The following MOG variants were observed in gnomAD, a reference collection of about 807,000 sequenced individuals.
MOG encodes the protein myelin oligodendrocyte glycoprotein.
MOG carries 20 observed loss-of-function variants against 35.9 expected under a neutral mutation model. The ratio of observed to expected loss-of-function variants is 0.56; its 90% CI spans 0.39 to 0.81. MOG has a LOEUF of 0.81. Among genes scored for constraint, MOG ranks in the 30% least tolerant of loss-of-function variants. The pLI is 0.00. For missense variants in MOG, 251 were observed against 301.0 expected (o/e 0.83, Z 1.23); for synonymous variants, 92 against 114.3 (o/e 0.80, Z 1.25).
chr6:29,670,540 C>T lies in MOG; in HGVS notation c.709+143C>T. ...TATTCCTCTGTCCCCATGCCCAACC[C>T]CAGGCTCTTCTGAGAAACTGTGAAG... On this transcript the variant is annotated intron_variant, in intron 6 of 7. Coordinates refer to ENST00000376917, the MANE Select transcript of MOG (RefSeq NM_206809.4). The surrounding 1 kb of genome is among the most constrained non-coding windows in gnomAD (Gnocchi z 4.2). 6.6e-7 allele frequency: 1 copy of T among 1,524,510 alleles called. No individual in the cohort carries two copies. Among genetic ancestry groups the T allele is most frequent in the Non-Finnish European group, 9.0e-7 (1 of 1,108,352 alleles). 94.4% of individuals were successfully genotyped at this position (1,524,510 alleles called of 1,614,324 possible).
Position 29,672,332 on chromosome 6 carries a change from A to ATAAC in MOG, c.*1150_*1151insCTAA. ...AATAAATAAATAAATAAATAAATAA[A>ATAAC]TAAAAAATAATAATACAAGTTTTCA... On this transcript the variant is annotated 3_prime_UTR_variant, in exon 8 of 8. Transcript: ENST00000376917. 1 of 310,792 alleles carries ATAAC rather than the reference A, an allele frequency of 3.2e-6. No individual in the cohort carries two copies. The highest frequency in any genetic ancestry group is 5.4e-5 in the Admixed American group (1 of 18,582). The allele number at this position is 310,792 out of a possible 1,614,324, so 19.3% of individuals were successfully genotyped here.
chr6:29,667,562 G>A, intron 3 of MOG, 81 bp from the exon 4 acceptor site: 1 of 1,430,756 alleles, frequency 7.0e-7, no homozygotes, highest in Non-Finnish European at 9.9e-7. Flanking sequence ...CTGCACAAGG[G>A]GCCCAGGCGC....
rs370773046 is a variant in MOG at position 29,671,414 on chromosome 6, C to T, written c.*229C>T. ...TTTTATTACCCTTCTTTCCATTTCT[C>T]TCTCCAGTCTTCCACCTGGAAGCCC... On this transcript the variant is annotated 3_prime_UTR_variant, in exon 8 of 8. Transcript: ENST00000376917. 6.8e-6 allele frequency: 11 copies of T among 1,612,410 alleles called. No homozygotes were observed. Among genetic ancestry groups the T allele is most frequent in the African/African-American group, 1.3e-5 (1 of 74,900 alleles).
intron 2 of MOG, among the ~76,000 whole-genome samples, chr6:29,664,426 C>T (rs991742931): frequency 4.6e-5 from 7 of 151,960 alleles, no homozygotes; most frequent in Admixed American, 2.6e-4. Context: ...AAGCCGGTCT[C>T]GAACTCCTGA....
intron 3 of MOG, among the ~76,000 whole-genome samples, 191 bp downstream of exon 3, chr6:29,666,456 A>G (rs1770243891): frequency 6.6e-6 from 1 of 152,208 alleles, no homozygotes; most frequent in Non-Finnish European, 1.5e-5. Context: ...TCATATGAAT[A>G]ATCGGACCTA....
chr6:29,669,108 A>G (rs1770849942), intron 5 of MOG, among the ~76,000 whole-genome samples: 1 of 152,000 alleles, frequency 6.6e-6, no homozygotes, highest in Non-Finnish European at 1.5e-5. Context: ...TTTAGTAGAG[A>G]CTAGGTTTCA....
intron 2 of MOG, chr6:29,664,113 A>C (rs1583124919): frequency 6.5e-6 from 1 of 153,728 alleles, no homozygotes; most frequent in Non-Finnish European, 1.4e-5. Context: ...CCCCTCCCTC[A>C]TTGCTCAACC....
intron 4 of MOG, 64 bp downstream of exon 4, chr6:29,667,727 T>C: frequency 6.3e-7 from 1 of 1,599,946 alleles, no homozygotes; most frequent in Non-Finnish European, 8.6e-7. Flanking sequence ...ACGGAAATGG[T>C]CCCGTTCTTG....
chr6:29,671,290 A>G lies in MOG; in HGVS notation c.*105A>G, dbSNP rs572170370. ...TTGCACACTCACTGGCATCTTTGCT[A>G]TGGGGACATTCCAATTTGCACTTTC... On this transcript the variant is annotated 3_prime_UTR_variant, in exon 8 of 8. Transcript: ENST00000376917. 1.9e-6 allele frequency: 3 copies of G among 1,611,824 alleles called. No homozygotes were observed. The highest frequency in any genetic ancestry group is 2.5e-6 in the Non-Finnish European group (3 of 1,180,010).
At chr6:29,665,311 G>C (rs980867503) in intron 2 of MOG, among the ~76,000 whole-genome samples, 2 of 151,428 alleles carry the variant, frequency 1.3e-5, no homozygotes, top group Non-Finnish European at 2.9e-5. Context: ...GGTCAGGCTG[G>C]TCTTGAACTC....
intron 2 of MOG, among the ~76,000 whole-genome samples, chr6:29,660,274 C>A (rs1029721662): frequency 6.6e-6 from 1 of 151,672 alleles, no homozygotes. Context: ...GTAATCCCAG[C>A]ACTGTGGGAG....
At chr6:29,667,846 G>A in intron 4 of MOG, 58 bp from the exon 5 acceptor site, 1 of 1,599,762 alleles carries the variant, frequency 6.3e-7, no homozygotes, top group South Asian at 1.1e-5. Context: ...AAAGACTCAG[G>A]ATAAAAGATC....
rs1031531424 is a variant in MOG at position 29,671,512 on chromosome 6, G to T, written c.*327G>T. ...CTGTACTGGAGAGCAACACAGGATG[G>T]TCTCTGCCATGAACTGGAGGCCAGG... On this transcript the variant is annotated 3_prime_UTR_variant, in exon 8 of 8. Transcript: ENST00000376917. 8.9e-7 allele frequency: 1 copy of T among 1,121,998 alleles called. No homozygotes were observed. The highest frequency in any genetic ancestry group is 1.4e-6 in the Non-Finnish European group (1 of 732,438). The allele number at this position is 1,121,998 out of a possible 1,614,324, so 69.5% of individuals were successfully genotyped here.
At chr6:29,671,139 T>C (rs770453962) in intron 7 of MOG, 33 bp from the exon 8 acceptor site, 3 of 1,612,876 alleles carry the variant, frequency 1.9e-6, no homozygotes, top group Admixed American at 1.7e-5. Context: ...ACTACTGACA[T>C]ACGTTTTTCA....
At chr6:29,660,054 A>G in intron 2 of MOG, 1 of 296,554 alleles carries the variant, frequency 3.4e-6, no homozygotes, top group Non-Finnish European at 6.4e-6. Context: ...ACCCTAGGGC[A>G]TGGTGGTTTG....
At chr6:29,665,728 T>TAGG (rs879590186) in intron 2 of MOG, among the ~76,000 whole-genome samples, 9,868 of 150,760 alleles carry the variant, frequency 0.065, 653 homozygotes, top group African/African-American at 0.16. Context: ...AGCCTTGAAC[T>TAGG]ACATATTTGA....
chr6:29,665,273 T>C (rs1258118990), intron 2 of MOG, among the ~76,000 whole-genome samples: 1 of 151,964 alleles, frequency 6.6e-6, no homozygotes, highest in Non-Finnish European at 1.5e-5. Flanking sequence ...ATTTTGTATT[T>C]TTAGTAGAAA....
Position 29,670,646 on chromosome 6 carries a change from G to A in MOG, c.710-55G>A. 1 of 1,604,798 alleles carries A rather than the reference G, an allele frequency of 6.2e-7. No individual in the cohort carries two copies. The stretch of plus-strand genomic sequence containing the variant: ...TCCAAATGTCCATAGGGAGGATGTG[G>A]GGAAGGTGCTATTCATCTTCCACTA... On this transcript the variant is annotated intron_variant, in intron 6 of 7. Transcript: ENST00000376917. The surrounding 1 kb of genome is among the most constrained non-coding windows in gnomAD (Gnocchi z 4.2).
intron 2 of MOG, among the ~76,000 whole-genome samples, chr6:29,665,101 CT>C (rs9280633): frequency 8.1e-4 from 117 of 144,366 alleles, no homozygotes; most frequent in Admixed American, 6.2e-4. Context: ...TTTTCTTTTT[CT>C]TTTTTTTTTT....
Sources: gnomAD v4.1 joint callset for allele counts (sites outside exome capture counted in the v4.1 genomes callset) on GRCh38, gnomAD v4.1.1 for gene constraint, Gnocchi (gnomAD v3.1) non-coding constraint, MANE v1.5 for transcripts, NCBI Gene and HGNC (gene_info 2026-07-23, HGNC 2026-07-21) for gene names.